Variants in GUCA1C observed in about 807,000 individuals in gnomAD.
The protein encoded by GUCA1C is guanylyl cyclase-activating protein 3.
A neutral mutation model predicts 16.2 loss-of-function variants in GUCA1C; 15 were observed. The ratio of observed to expected loss-of-function variants is 0.93; its 90% CI spans 0.62 to 1.43. The LOEUF is 1.43. Ranked by LOEUF, GUCA1C falls within the 40% of genes most tolerant of loss-of-function variation. GUCA1C has a pLI of 0.00. For synonymous variants in GUCA1C, 78 were observed against 85.4 expected, an observed-to-expected ratio of 0.91 and a Z score of 0.48; for missense variants, 275 against 244.8, an observed-to-expected ratio of 1.12 and a Z score of -0.82.
chr3:108,918,072 C>T (rs1946535529), intron 2 of GUCA1C, among the ~76,000 whole-genome samples: 1 of 152,244 alleles, frequency 6.6e-6, no homozygotes, highest in Middle Eastern at 3.4e-3. Flanking sequence ...TCTTAAAATC[C>T]GCACAATTGC....
intron 3 of GUCA1C, among the ~76,000 whole-genome samples, chr3:108,910,719 G>C (rs1013209257): frequency 6.6e-6 from 1 of 150,576 alleles, no homozygotes; most frequent in African/African-American, 2.4e-5. Context: ...GGGCTATCTC[G>C]GCTGACTGCA....
intron 1 of GUCA1C, among the ~76,000 whole-genome samples, chr3:108,943,238 G>T (rs190916576): frequency 3.3e-5 from 5 of 151,980 alleles, no homozygotes; most frequent in African/African-American, 4.8e-5. Flanking sequence ...GAGGGGGAGT[G>T]GGGGCGCTGA....
intron 1 of GUCA1C, among the ~76,000 whole-genome samples, chr3:108,930,908 A>G (rs1415861509): frequency 6.6e-6 from 1 of 152,218 alleles, no homozygotes; most frequent in Non-Finnish European, 1.5e-5. Context: ...ACAACGAGGT[A>G]TCATATCTCC....
intron 2 of GUCA1C, among the ~76,000 whole-genome samples, chr3:108,916,651 C>T (rs971016864): frequency 3.9e-5 from 6 of 152,222 alleles, no homozygotes; most frequent in African/African-American, 1.4e-4. Context: ...GCTTCCACCG[C>T]TGGCACCCCT....
intron 1 of GUCA1C, among the ~76,000 whole-genome samples, chr3:108,944,720 T>C (rs1946826489): frequency 6.6e-6 from 1 of 152,166 alleles, no homozygotes; most frequent in Non-Finnish European, 1.5e-5. Flanking sequence ...TTAATAGGGG[T>C]TCAGCACAAC....
At chr3:108,923,798 T>G (rs553113915) in intron 1 of GUCA1C, among the ~76,000 whole-genome samples, 1 of 152,332 alleles carries the variant, frequency 6.6e-6, no homozygotes, top group African/African-American at 2.4e-5. Flanking sequence ...GGGTGTGTTT[T>G]CATTTGTTTG....
chr3:108,951,845 C>A (rs895772616), intron 1 of GUCA1C, among the ~76,000 whole-genome samples: 3 of 152,214 alleles, frequency 2.0e-5, no homozygotes, highest in Admixed American at 6.5e-5. Flanking sequence ...CAAGGACACA[C>A]ACACACCTGT....
intron 1 of GUCA1C, among the ~76,000 whole-genome samples, chr3:108,949,143 G>T (rs1018542730): frequency 6.6e-6 from 1 of 152,054 alleles, no homozygotes; most frequent in Non-Finnish European, 1.5e-5. Flanking sequence ...CCACTGCAGT[G>T]GCCAATTTTT....
intron 1 of GUCA1C, among the ~76,000 whole-genome samples, chr3:108,921,926 T>C (rs1417029021): frequency 1.3e-5 from 2 of 152,108 alleles, no homozygotes; most frequent in African/African-American, 4.8e-5. Context: ...CTTTTATCCC[T>C]CGCCACCCTC....
intron 1 of GUCA1C, among the ~76,000 whole-genome samples, chr3:108,948,917 A>C (rs931486295): frequency 1.3e-5 from 2 of 150,820 alleles, no homozygotes; most frequent in African/African-American, 4.9e-5. Flanking sequence ...GCACGATCTC[A>C]ACTCTCTGCA....
chr3:108,942,222 C>T (rs931678424), intron 1 of GUCA1C, among the ~76,000 whole-genome samples: 1 of 152,158 alleles, frequency 6.6e-6, no homozygotes, highest in African/African-American at 2.4e-5. Flanking sequence ...ACATAAAATG[C>T]ATAAAAGGGT....
intron 2 of GUCA1C, among the ~76,000 whole-genome samples, chr3:108,918,327 C>T (rs1479331864): frequency 6.6e-6 from 1 of 152,206 alleles, no homozygotes; most frequent in Non-Finnish European, 1.5e-5. Flanking sequence ...TCTAACATAG[C>T]TCTATGCCAG....
chr3:108,918,654 A>C (rs559818071), intron 2 of GUCA1C, among the ~76,000 whole-genome samples: 1 of 152,156 alleles, frequency 6.6e-6, no homozygotes, highest in Admixed American at 6.5e-5. Context: ...AGCTGTAACT[A>C]TCTCCTTTGT....
intron 2 of GUCA1C, among the ~76,000 whole-genome samples, chr3:108,917,570 T>C (rs1424524463): frequency 2.0e-5 from 3 of 152,010 alleles, no homozygotes; most frequent in East Asian, 1.9e-4. Flanking sequence ...GTACTCCCTA[T>C]GTGGGAGCAG....
At chr3:108,929,916 TTTTC>T (rs1946651759) in intron 1 of GUCA1C, among the ~76,000 whole-genome samples, 1 of 152,226 alleles carries the variant, frequency 6.6e-6, no homozygotes, top group Non-Finnish European at 1.5e-5. Flanking sequence ...AATGAGGCTC[TTTTC>T]TATAAAGATT....
At chr3:108,920,648 G>T in intron 1 of GUCA1C, 63 bp from the exon 2 acceptor site, 1 of 957,778 alleles carries the variant, frequency 1.0e-6, no homozygotes, top group Non-Finnish European at 1.6e-6. Context: ...TTTTATTTGA[G>T]AACTCAGCAT....
chr3:108,908,364 A>C (rs533703081), intron 3 of GUCA1C, among the ~76,000 whole-genome samples, 155 bp from the exon 4 acceptor site: 37 of 152,172 alleles, frequency 2.4e-4, no homozygotes, highest in Non-Finnish European at 4.3e-4. Context: ...AACAAAAAAA[A>C]AAAAAAAAAG....
intron 1 of GUCA1C, among the ~76,000 whole-genome samples, chr3:108,950,834 CAG>C (rs979965958): frequency 6.6e-6 from 1 of 151,914 alleles, no homozygotes; most frequent in Non-Finnish European, 1.5e-5. Flanking sequence ...AAAAAGCAAA[CAG>C]AATGATAAAA....
At chr3:108,926,981 T>C (rs1394518341) in intron 1 of GUCA1C, among the ~76,000 whole-genome samples, 1 of 152,190 alleles carries the variant, frequency 6.6e-6, no homozygotes, top group African/African-American at 2.4e-5. Flanking sequence ...CTTTCCTTCA[T>C]TTATGAAGCT....
Sources: gnomAD v4.1 joint callset for allele counts (sites outside exome capture counted in the v4.1 genomes callset) on GRCh38, gnomAD v4.1.1 for gene constraint, MANE v1.5 for transcripts, NCBI Gene and HGNC (gene_info 2026-07-23, HGNC 2026-07-21) for gene names.